Variants in PTPRD observed in about 807,000 individuals in gnomAD.
PTPRD encodes the protein protein tyrosine phosphatase receptor type D, also known as receptor-type tyrosine-protein phosphatase delta.
In PTPRD, 34 loss-of-function variants were observed where a neutral mutation model predicts 214.5. The observed-to-expected ratio is 0.16, with a 90% CI of 0.12 to 0.21. The LOEUF (loss-of-function observed/expected upper bound fraction) is 0.21, where lower values mean the gene tolerates loss of function less well. PTPRD is among the 10% of genes least tolerant of loss of function. The pLI is 1.00. For synonymous variants in PTPRD, 1,128 were observed against 845.7 expected (o/e 1.33, Z -5.79); for missense variants, 2,545 against 2,398.7 (o/e 1.06, Z -1.27).
At chr9:9,302,591 T>A (rs1368519224) in intron 9 of PTPRD, among the ~76,000 whole-genome samples, 1 of 106,792 alleles carries the variant, frequency 9.4e-6, no homozygotes, top group African/African-American at 3.6e-5. Context: ...TGTTTTGTAG[T>A]TTTTTTTTTC....
chr9:10,168,764 T>G (rs931868865), intron 3 of PTPRD, among the ~76,000 whole-genome samples: 1 of 152,168 alleles, frequency 6.6e-6, no homozygotes, highest in African/African-American at 2.4e-5. Flanking sequence ...CAGACAAAAG[T>G]AAAACAAACT....
intron 29 of PTPRD, among the ~76,000 whole-genome samples, chr9:8,484,837 G>A (rs904904131): frequency 6.6e-6 from 1 of 152,056 alleles, no homozygotes; most frequent in African/African-American, 2.4e-5. Flanking sequence ...TTAATGGCAA[G>A]CCAGAGTTTA....
intron 9 of PTPRD, among the ~76,000 whole-genome samples, chr9:9,329,171 C>T (rs576205215): frequency 6.6e-6 from 1 of 151,914 alleles, no homozygotes; most frequent in Non-Finnish European, 1.5e-5. Flanking sequence ...GAGAGTCATC[C>T]CAGTTTGACA....
intron 7 of PTPRD, among the ~76,000 whole-genome samples, chr9:9,594,641 TA>T (rs1481498138): frequency 2.0e-5 from 3 of 152,146 alleles, no homozygotes; most frequent in African/African-American, 7.2e-5. Flanking sequence ...GTGCCTATTT[TA>T]ACAGTACCAT....
intron 3 of PTPRD, among the ~76,000 whole-genome samples, chr9:10,276,671 T>C (rs1378933318): frequency 6.6e-6 from 1 of 152,226 alleles, no homozygotes; most frequent in Non-Finnish European, 1.5e-5. Flanking sequence ...ATACATATAT[T>C]GCACCTGGCA....
At chr9:8,500,173 A>G (rs1487303934) in intron 24 of PTPRD, among the ~76,000 whole-genome samples, 1 of 152,092 alleles carries the variant, frequency 6.6e-6, no homozygotes, top group Non-Finnish European at 1.5e-5. Context: ...AAAGAGGTAT[A>G]GCATTGAAAT....
chr9:9,183,767 A>C (rs2099929668), intron 9 of PTPRD, among the ~76,000 whole-genome samples: 2 of 152,136 alleles, frequency 1.3e-5, no homozygotes, highest in South Asian at 2.1e-4. Flanking sequence ...CCTTTAAATA[A>C]ATAATGCCCC....
intron 7 of PTPRD, among the ~76,000 whole-genome samples, chr9:9,667,461 A>G (rs141692417): frequency 1.3e-5 from 2 of 152,266 alleles, no homozygotes; most frequent in African/African-American, 4.8e-5. Flanking sequence ...AAGTCATAAA[A>G]TAGTTTATGT....
chr9:10,449,947 C>T (rs1172079101), intron 2 of PTPRD, among the ~76,000 whole-genome samples: 1 of 151,778 alleles, frequency 6.6e-6, no homozygotes, highest in East Asian at 1.9e-4. Context: ...TTACCCCCAA[C>T]CCCGTGCTCT....
At chr9:9,358,463 G>T (rs576773553) in intron 9 of PTPRD, among the ~76,000 whole-genome samples, 3 of 151,144 alleles carry the variant, frequency 2.0e-5, no homozygotes, top group East Asian at 1.9e-4. Flanking sequence ...TTTTAGCCTT[G>T]TTCATCCAGG....
intron 5 of PTPRD, among the ~76,000 whole-genome samples, chr9:9,821,505 T>C (rs1484910544): frequency 6.6e-6 from 1 of 152,154 alleles, no homozygotes; most frequent in African/African-American, 2.4e-5. Context: ...ATAAAGACTG[T>C]CATGTTTTGT....
intron 12 of PTPRD, among the ~76,000 whole-genome samples, chr9:8,651,483 G>T (rs72700319): frequency 0.045 from 6,829 of 152,194 alleles, 467 homozygotes; most frequent in African/African-American, 0.15. Context: ...GTTTGTAGAT[G>T]GAAATAAACC....
At chr9:9,637,085 G>T (rs994353104) in intron 7 of PTPRD, among the ~76,000 whole-genome samples, 1 of 152,008 alleles carries the variant, frequency 6.6e-6, no homozygotes, top group Non-Finnish European at 1.5e-5. Context: ...ATCTCCCAAA[G>T]GGCCCCACCT....
intron 11 of PTPRD, among the ~76,000 whole-genome samples, chr9:8,895,333 T>C (rs767863185): frequency 2.0e-5 from 3 of 152,124 alleles, no homozygotes; most frequent in Non-Finnish European, 4.4e-5. Flanking sequence ...GTTGCCAAAA[T>C]AAAAACATAA....
At chr9:9,302,368 A>T (rs1398787734) in intron 9 of PTPRD, among the ~76,000 whole-genome samples, 1 of 151,892 alleles carries the variant, frequency 6.6e-6, no homozygotes, top group Admixed American at 6.6e-5. Context: ...ATTGATAGGC[A>T]GCTCTCTTTG....
intron 3 of PTPRD, among the ~76,000 whole-genome samples, chr9:10,124,666 T>G (rs2098801992): frequency 6.6e-6 from 1 of 152,218 alleles, no homozygotes; most frequent in South Asian, 2.1e-4. Flanking sequence ...TTAAGTATGT[T>G]ATTAATACCA....
intron 7 of PTPRD, among the ~76,000 whole-genome samples, chr9:9,669,340 T>A (rs192747025): frequency 2.0e-5 from 3 of 152,288 alleles, no homozygotes; most frequent in Admixed American, 6.5e-5. Context: ...TGTTCCTGAT[T>A]GGTATGGAAT....
chr9:8,515,273 C>G (rs1033907734), intron 21 of PTPRD, among the ~76,000 whole-genome samples: 3 of 152,142 alleles, frequency 2.0e-5, no homozygotes, highest in Admixed American at 2.0e-4. Context: ...CCACATCTGC[C>G]TAATTGGTTT....
intron 11 of PTPRD, among the ~76,000 whole-genome samples, chr9:8,903,705 G>C (rs1186219043): frequency 1.3e-5 from 2 of 152,146 alleles, no homozygotes; most frequent in Non-Finnish European, 2.9e-5. Flanking sequence ...GTGGGCTTTA[G>C]TTTCCTTATC....
Sources: allele counts gnomAD v4.1 joint callset (sites outside exome capture counted in the v4.1 genomes callset), GRCh38; gene constraint gnomAD v4.1.1; transcripts MANE v1.5; gene names NCBI Gene and HGNC (gene_info 2026-07-23, HGNC 2026-07-21).